The following CDH12 variants were observed in gnomAD, a reference collection of about 807,000 sequenced individuals.
The protein encoded by CDH12 is cadherin 12, also known as cadherin-12.
In CDH12, 41 loss-of-function variants were observed where a neutral mutation model predicts 74.1. That is an observed-to-expected ratio of 0.55 (90% CI 0.43 to 0.72). The LOEUF is 0.72. CDH12 is among the 30% of genes least tolerant of loss of function. CDH12 has a pLI of 0.00. For synonymous variants in CDH12, 399 were observed against 355.0 expected (o/e 1.12, Z -1.39); for missense variants, 945 against 977.2 (o/e 0.97, Z 0.44).
At chr5:21,788,341 G>A (rs932723655) in intron 10 of CDH12, among the ~76,000 whole-genome samples, 5 of 152,094 alleles carry the variant, frequency 3.3e-5, no homozygotes, top group Non-Finnish European at 5.9e-5. Context: ...AGGAATAGAC[G>A]GTGTTTTAGA....
chr5:22,237,239 T>C (rs1446192472), intron 3 of CDH12, among the ~76,000 whole-genome samples: 2 of 152,106 alleles, frequency 1.3e-5, no homozygotes, highest in African/African-American at 4.8e-5. Flanking sequence ...GGTCTGTCAT[T>C]AACTGCAATG....
At chr5:22,425,162 T>C (rs1743860847) in intron 2 of CDH12, among the ~76,000 whole-genome samples, 1 of 134,842 alleles carries the variant, frequency 7.4e-6, no homozygotes, top group Non-Finnish European at 1.6e-5. Flanking sequence ...TGTATATATA[T>C]ATATATATAA....
At chr5:21,755,301 A>G (rs950843530) in intron 14 of CDH12, among the ~76,000 whole-genome samples, 5 of 152,212 alleles carry the variant, frequency 3.3e-5, no homozygotes, top group African/African-American at 7.2e-5. Context: ...CAAGGGTCAC[A>G]AACTATTATT....
intron 7 of CDH12, among the ~76,000 whole-genome samples, chr5:21,846,343 T>G (rs147723730): frequency 4.9e-4 from 75 of 152,242 alleles, no homozygotes; most frequent in African/African-American, 1.7e-3. Context: ...CTCTTTCTTT[T>G]GCCTATTAAA....
At chr5:21,784,954 C>G (rs943592024) in intron 10 of CDH12, among the ~76,000 whole-genome samples, 5 of 152,090 alleles carry the variant, frequency 3.3e-5, no homozygotes, top group African/African-American at 1.2e-4. Context: ...CTCCTATTGC[C>G]GTTTTTACAA....
chr5:22,417,553 G>A (rs1263710505), intron 2 of CDH12, among the ~76,000 whole-genome samples: 1 of 152,124 alleles, frequency 6.6e-6, no homozygotes, highest in Admixed American at 6.5e-5. Flanking sequence ...CCCAATTCTG[G>A]AACTATAAGA....
At chr5:22,554,177 AAC>A (rs1026262942) in intron 1 of CDH12, among the ~76,000 whole-genome samples, 8 of 152,196 alleles carry the variant, frequency 5.3e-5, no homozygotes, top group Non-Finnish European at 8.8e-5. Flanking sequence ...GAATACATGC[AAC>A]ACAGAGGATT....
At chr5:22,756,612 A>T (rs764025892) in intron 1 of CDH12, among the ~76,000 whole-genome samples, 10 of 152,226 alleles carry the variant, frequency 6.6e-5, no homozygotes, top group African/African-American at 2.4e-4. Context: ...CAAGAAATAT[A>T]AAGCAAACTC....
intron 4 of CDH12, among the ~76,000 whole-genome samples, chr5:22,107,426 G>A (rs1349916581): frequency 6.8e-6 from 1 of 146,272 alleles, no homozygotes; most frequent in African/African-American, 2.6e-5. Context: ...CCACCGTGCT[G>A]GGCCTTCTGC....
chr5:22,065,231 G>A (rs1196057546), intron 5 of CDH12, among the ~76,000 whole-genome samples: 10 of 152,138 alleles, frequency 6.6e-5, no homozygotes, highest in Non-Finnish European at 1.5e-5. Flanking sequence ...AGGTGCAAGT[G>A]TGACCCATGA....
intron 1 of CDH12, among the ~76,000 whole-genome samples, chr5:22,716,420 C>G (rs1451340017): frequency 8.2e-6 from 1 of 121,532 alleles, no homozygotes; most frequent in Non-Finnish European, 1.9e-5. Flanking sequence ...CTTGCTGCAA[C>G]GTACTACTCA....
At chr5:22,247,341 C>A (rs867953588) in intron 3 of CDH12, among the ~76,000 whole-genome samples, 12 of 152,154 alleles carry the variant, frequency 7.9e-5, no homozygotes, top group Middle Eastern at 3.4e-3. Context: ...TCATGCTTCA[C>A]GTCAGACTAC....
intron 4 of CDH12, among the ~76,000 whole-genome samples, chr5:22,210,869 C>T (rs532290079): frequency 6.6e-6 from 1 of 151,638 alleles, no homozygotes; most frequent in East Asian, 1.9e-4. Context: ...GACCCAGGGA[C>T]AGCCACTGTA....
intron 1 of CDH12, among the ~76,000 whole-genome samples, chr5:22,836,285 G>A (rs1736824618): frequency 8.0e-6 from 1 of 124,796 alleles, no homozygotes; most frequent in Non-Finnish European, 1.6e-5. Flanking sequence ...GTGCAGTGAT[G>A]CGATCTCAGC....
At chr5:22,643,733 C>CTTTTTT (rs762944279) in intron 1 of CDH12, among the ~76,000 whole-genome samples, 1,365 of 51,200 alleles carry the variant, frequency 0.027, 256 homozygotes, top group Middle Eastern at 0.047. Flanking sequence ...TTTAAGGTAT[C>CTTTTTT]TTTTTTTTTT....
intron 1 of CDH12, among the ~76,000 whole-genome samples, chr5:22,802,144 C>T (rs1227475746): frequency 8.2e-5 from 11 of 133,700 alleles, no homozygotes; most frequent in East Asian, 4.3e-4. Context: ...TTTTTTGAGA[C>T]GGAGTCTCCC....
At chr5:22,761,137 C>A (rs1746206303) in intron 1 of CDH12, among the ~76,000 whole-genome samples, 1 of 152,112 alleles carries the variant, frequency 6.6e-6, no homozygotes, top group South Asian at 2.1e-4. Flanking sequence ...TTCAAAGATG[C>A]CTGACTTGTC....
At chr5:22,593,695 C>T (rs982611460) in intron 1 of CDH12, among the ~76,000 whole-genome samples, 5 of 152,094 alleles carry the variant, frequency 3.3e-5, no homozygotes, top group African/African-American at 1.2e-4. Flanking sequence ...TAGTAAATAC[C>T]AGTAAGGACC....
At chr5:22,354,939 A>G (rs1740500119) in intron 3 of CDH12, among the ~76,000 whole-genome samples, 1 of 152,156 alleles carries the variant, frequency 6.6e-6, no homozygotes, top group Non-Finnish European at 1.5e-5. Context: ...AGAGAAGCTG[A>G]AGCACTAGAA....
Sources: gnomAD v4.1 joint callset for allele counts (sites outside exome capture counted in the v4.1 genomes callset) on GRCh38, gnomAD v4.1.1 for gene constraint, MANE v1.5 for transcripts, NCBI Gene and HGNC (gene_info 2026-07-23, HGNC 2026-07-21) for gene names.